Variants in KDM4C observed in about 807,000 individuals in gnomAD.
KDM4C encodes the protein lysine demethylase 4C.
KDM4C carries 81 observed loss-of-function variants against 129.3 expected under a neutral mutation model. The ratio of observed to expected loss-of-function variants is 0.63; its 90% CI spans 0.52 to 0.75. The LOEUF is 0.75. Ranked by LOEUF, KDM4C falls within the 30% of genes least tolerant of loss-of-function variation. The pLI is 0.00. For missense variants in KDM4C, 1,457 were observed against 1,304.0 expected, an observed-to-expected ratio of 1.12 and a Z score of -1.81; for synonymous variants, 573 against 456.1, an observed-to-expected ratio of 1.26 and a Z score of -3.26.
At chr9:7,032,578 C>G (rs901455183) in intron 15 of KDM4C, among the ~76,000 whole-genome samples, 1 of 152,178 alleles carries the variant, frequency 6.6e-6, no homozygotes, top group African/African-American at 2.4e-5. Flanking sequence ...GAACTTGATA[C>G]CGATAAAGGC....
chr9:6,742,835 CA>C (rs1817747260), intron 1 of KDM4C, among the ~76,000 whole-genome samples: 1 of 151,782 alleles, frequency 6.6e-6, no homozygotes, highest in Non-Finnish European at 1.5e-5. Context: ...AAAATGGGGT[CA>C]AAAACTGCTG....
chr9:7,029,974 C>T (rs1002923305), intron 15 of KDM4C, among the ~76,000 whole-genome samples: 10 of 151,954 alleles, frequency 6.6e-5, no homozygotes, highest in African/African-American at 2.4e-4. Context: ...TTTTTGTTAC[C>T]TTAAAGAATT....
intron 15 of KDM4C, among the ~76,000 whole-genome samples, chr9:7,033,359 A>G (rs1827103835): frequency 6.6e-6 from 1 of 152,140 alleles, no homozygotes; most frequent in Non-Finnish European, 1.5e-5. Flanking sequence ...CTCTTAAAAC[A>G]CTGGACAGGA....
intron 4 of KDM4C, chr9:6,814,997 A>T (rs942488041): frequency 3.3e-6 from 1 of 307,168 alleles, no homozygotes; most frequent in Non-Finnish European, 5.9e-6. Context: ...TCTTTTCATT[A>T]CATTAAAACT....
chr9:7,149,833 T>A (rs747737865), intron 19 of KDM4C, among the ~76,000 whole-genome samples: 1 of 152,302 alleles, frequency 6.6e-6, no homozygotes, highest in Admixed American at 6.5e-5. Flanking sequence ...ACATCTTCCA[T>A]ACCTTTAAAT....
At position 6,881,308 on chromosome 9, in the gene KDM4C, T is replaced by C. The variant is rs1268880475; in HGVS notation, c.679+1247T>C. 2.0e-5 allele frequency among the ~76,000 whole-genome samples: 3 copies of C among 152,310 alleles called. No individual in the cohort carries two copies. The East Asian group carries it at 5.8e-4, about 29-fold the overall frequency. ...GTCAGGCTAATAACTATAAAGTGTC[T>C]TTTTAAAAATGTAATACATAATAGT... On this transcript the variant is annotated intron_variant, in intron 6 of 21. Transcript: ENST00000381309.
At chr9:6,797,812 C>G (rs543662638) in intron 2 of KDM4C, among the ~76,000 whole-genome samples, 1 of 152,304 alleles carries the variant, frequency 6.6e-6, no homozygotes. Context: ...GCAAGTAGTG[C>G]AAATGCACAT....
chr9:6,996,337 C>T (rs924141743), intron 12 of KDM4C, among the ~76,000 whole-genome samples: 1 of 152,130 alleles, frequency 6.6e-6, no homozygotes, highest in Non-Finnish European at 1.5e-5. Flanking sequence ...TTTATCACAC[C>T]CCCTTCCCCC....
chr9:6,984,122 C>T (rs1310433154), intron 9 of KDM4C, 44 bp from the exon 10 acceptor site: 7 of 1,219,826 alleles, frequency 5.7e-6, no homozygotes, highest in Non-Finnish European at 7.2e-6. Context: ...TTTTCATATC[C>T]ATTGCAGACA....
intron 1 of KDM4C, among the ~76,000 whole-genome samples, chr9:6,781,755 G>C (rs12351262): frequency 6.6e-6 from 1 of 151,800 alleles, no homozygotes; most frequent in Non-Finnish European, 1.5e-5. Flanking sequence ...TTTTCATTGC[G>C]CTATGCGTGT....
chr9:7,097,990 G>T (rs1409918950), intron 17 of KDM4C, among the ~76,000 whole-genome samples: 2 of 152,162 alleles, frequency 1.3e-5, no homozygotes, highest in African/African-American at 4.8e-5. Flanking sequence ...AGGTGCTTCC[G>T]CAAGGATTCT....
intron 17 of KDM4C, among the ~76,000 whole-genome samples, chr9:7,082,251 C>A (rs576811457): frequency 6.6e-6 from 1 of 152,228 alleles, no homozygotes; most frequent in South Asian, 2.1e-4. Flanking sequence ...CCTTAGCCCA[C>A]CAGAATGGTA....
intron 2 of KDM4C, among the ~76,000 whole-genome samples, chr9:6,794,913 G>A (rs1008180794): frequency 6.6e-6 from 1 of 152,150 alleles, no homozygotes; most frequent in Non-Finnish European, 1.5e-5. Flanking sequence ...TCCAACTTGA[G>A]ATGGTTTGTG....
chr9:6,989,164 A>G (rs1357763768), intron 11 of KDM4C, among the ~76,000 whole-genome samples: 1 of 152,144 alleles, frequency 6.6e-6, no homozygotes, highest in African/African-American at 2.4e-5. Flanking sequence ...GTCATCGTAT[A>G]TTGCATTTGT....
intron 5 of KDM4C, among the ~76,000 whole-genome samples, chr9:6,855,994 G>C (rs148229466): frequency 1.1e-3 from 172 of 152,240 alleles, no homozygotes; most frequent in African/African-American, 3.9e-3. Context: ...TATTGTGTCT[G>C]CCTCCCAAAG....
At chr9:7,145,324 C>T (rs1161828218) in intron 19 of KDM4C, among the ~76,000 whole-genome samples, 1 of 152,176 alleles carries the variant, frequency 6.6e-6, no homozygotes, top group Admixed American at 6.5e-5. Flanking sequence ...ACCGTAGTCT[C>T]AGCCTTGCCC....
chr9:6,944,652 G>GTGTTT (rs1826555639), intron 8 of KDM4C, among the ~76,000 whole-genome samples: 1 of 80,994 alleles, frequency 1.2e-5, no homozygotes, highest in South Asian at 6.4e-4. Flanking sequence ...CAAGGTAGAG[G>GTGTTT]TTTTTTTTTT....
chr9:7,093,992 TA>T (rs1295398095), intron 17 of KDM4C, among the ~76,000 whole-genome samples: 2 of 152,242 alleles, frequency 1.3e-5, no homozygotes, highest in Admixed American at 6.5e-5. Context: ...TAGCATTATT[TA>T]CCTTTTACTG....
intron 1 of KDM4C, chr9:6,723,630 CAAAAAA>C (rs4008336): frequency 2.7e-5 from 3 of 112,132 alleles, no homozygotes; most frequent in Non-Finnish European, 5.5e-5. Context: ...GACTCCATCT[CAAAAAA>C]AAAAAAAAAA....
Sources: gnomAD v4.1 joint callset for allele counts (sites outside exome capture counted in the v4.1 genomes callset) on GRCh38, gnomAD v4.1.1 for gene constraint, MANE v1.5 for transcripts, NCBI Gene and HGNC (gene_info 2026-07-23, HGNC 2026-07-21) for gene names.